Variants in TBL1X observed in about 807,000 individuals in gnomAD.
TBL1X encodes F-box-like/WD repeat-containing protein TBL1X.
In TBL1X, 10 loss-of-function variants were observed where a neutral mutation model predicts 50.7. That is an observed-to-expected ratio of 0.20 (90% CI 0.12 to 0.33). The LOEUF is 0.33. Among genes scored for constraint, TBL1X ranks in the 10% least tolerant of loss-of-function variants. The probability of loss-of-function intolerance (pLI) is 1.00; values close to 1 mark genes in which losing one functional copy is unlikely to be tolerated. For synonymous variants in TBL1X, 190 were observed against 214.7 expected (o/e 0.88, Z 1.01); for missense variants, 340 against 504.4 (o/e 0.67, Z 3.12).
chrX:9,556,671 A>G (rs1176513115), intron 2 of TBL1X, among the ~76,000 whole-genome samples: 4 of 110,929 alleles, frequency 3.6e-5, no homozygotes, highest in Non-Finnish European at 7.6e-5. Context: ...GAAAAAAAAA[A>G]AAGTAGTTCT....
chrX:9,570,805 G>C (rs777772070), intron 2 of TBL1X, among the ~76,000 whole-genome samples: 17 of 107,212 alleles, frequency 1.6e-4, no homozygotes, highest in South Asian at 8.4e-4. Flanking sequence ...AGCCTCCCAA[G>C]TAGCTGGGAC....
chrX:9,554,896 C>T (rs1221834715), intron 2 of TBL1X, among the ~76,000 whole-genome samples: 6 of 111,341 alleles, frequency 5.4e-5, no homozygotes, highest in Non-Finnish European at 1.1e-4. Flanking sequence ...TAACCATTAG[C>T]AGTCACGTCC....
At chrX:9,605,154 A>G (rs750973661) in intron 2 of TBL1X, among the ~76,000 whole-genome samples, 2 of 110,555 alleles carry the variant, frequency 1.8e-5, no homozygotes, top group African/African-American at 3.3e-5. Context: ...ACACAGGGCC[A>G]CACAGGATCA....
At chrX:9,693,045 A>G (rs1195203378) in intron 9 of TBL1X, 104 bp from the exon 10 acceptor site, 7 of 806,737 alleles carry the variant, frequency 8.7e-6, no homozygotes, top group African/African-American at 2.1e-5. Flanking sequence ...CGCAGTGGCA[A>G]ATGGTTCCAG....
chrX:9,683,736 A>G (rs1284243878), intron 5 of TBL1X, among the ~76,000 whole-genome samples: 1 of 111,393 alleles, frequency 9.0e-6, no homozygotes, highest in Admixed American at 9.5e-5. Context: ...CAACCGGGGC[A>G]TGCAGGGCAA....
chrX:9,708,762 G>A (rs893768802), intron 13 of TBL1X, among the ~76,000 whole-genome samples: 4 of 109,656 alleles, frequency 3.6e-5, no homozygotes, highest in Non-Finnish European at 3.8e-5. Flanking sequence ...CAGCTACTTG[G>A]GAGGGTGAGG....
At chrX:9,630,864 C>A (rs1158936900) in intron 2 of TBL1X, among the ~76,000 whole-genome samples, 1 of 112,565 alleles carries the variant, frequency 8.9e-6, no homozygotes, top group African/African-American at 3.2e-5. Flanking sequence ...GCGTGAGCCA[C>A]CACACCTGGC....
At chrX:9,598,144 A>G (rs979495209) in intron 2 of TBL1X, among the ~76,000 whole-genome samples, 1 of 111,479 alleles carries the variant, frequency 9.0e-6, no homozygotes, top group Non-Finnish European at 1.9e-5. Flanking sequence ...ATTCTCCCTC[A>G]CAGCCCTCAG....
At chrX:9,519,341 G>T (rs1569213472) in intron 2 of TBL1X, among the ~76,000 whole-genome samples, 1 of 111,132 alleles carries the variant, frequency 9.0e-6, no homozygotes, top group South Asian at 3.8e-4. Context: ...CGATCTCCTG[G>T]GCTCAGTGAT....
rs2082549077 is a variant in TBL1X, at chrX:9,600,384, C to A, written c.-130-39889C>A. Among the ~76,000 whole-genome samples, 4 of 98,465 alleles carry A rather than the reference C, an allele frequency of 4.1e-5. No homozygotes were observed. The South Asian group carries it at 2.1e-3, about 53-fold the overall frequency. 85.5% of individuals were successfully genotyped at this position (98,465 alleles called of 115,157 possible). A position where few individuals can be genotyped will look rare whatever the true frequency, so the allele number is the denominator to read the frequency against. ...ACTAATCCCATTCATGAGGCCCCAC[C>A]CTCATGACCGCATTACCTCCCAGAG... is the stretch of plus-strand genomic sequence containing the variant. On this transcript the variant is annotated intron_variant, in intron 2 of 17. Transcript: ENST00000645353.
At chrX:9,693,037 C>A (rs914554415) in intron 9 of TBL1X, 112 bp from the exon 10 acceptor site, 17 of 711,538 alleles carry the variant, frequency 2.4e-5, no homozygotes, top group Middle Eastern at 3.2e-4. Context: ...AAAGAACACG[C>A]AGTGGCAAAT....
At chrX:9,644,349 T>C (rs776460425) in intron 3 of TBL1X, among the ~76,000 whole-genome samples, 1 of 112,268 alleles carries the variant, frequency 8.9e-6, no homozygotes, top group Non-Finnish European at 1.9e-5. Context: ...CAGTCTGCTC[T>C]GAAATCTTGG....
rs369976631 is a variant in TBL1X, at chrX:9,691,725, G to GA, written c.749+14_749+15insA. 1.2e-3 allele frequency: 1,378 copies of GA among 1,135,563 alleles called. 6 individuals are homozygous for GA. Among genetic ancestry groups the GA allele is most frequent in the South Asian group, 8.3e-3 (417 of 50,477 alleles). 93.6% of individuals were successfully genotyped at this position (1,135,563 alleles called of 1,213,427 possible). A position where few individuals can be genotyped will look rare whatever the true frequency, so the allele number is the denominator to read the frequency against. ...GCTAGCCTCCGGGTAAGGATGTCAG[G>GA]GTGGGGGGCGCTCCAGAGTTGGGGA... On this transcript the variant is annotated intron_variant, in intron 8 of 17. Coordinates refer to ENST00000645353, the MANE Select transcript of TBL1X (RefSeq NM_005647.4).
chrX:9,515,026 A>G (rs769976945), intron 2 of TBL1X, among the ~76,000 whole-genome samples: 2 of 110,862 alleles, frequency 1.8e-5, no homozygotes, highest in Admixed American at 9.6e-5. Context: ...TGATGTGTGT[A>G]CCGCTCATGT....
chrX:9,524,918 A>T (rs962421353), intron 2 of TBL1X, among the ~76,000 whole-genome samples: 5 of 110,924 alleles, frequency 4.5e-5, no homozygotes, highest in African/African-American at 1.6e-4. Flanking sequence ...TGCCCAGCTA[A>T]TTTTTGTATT....
At chrX:9,480,763 C>A (rs2081877566) in intron 1 of TBL1X, among the ~76,000 whole-genome samples, 1 of 65,550 alleles carries the variant, frequency 1.5e-5, no homozygotes, top group African/African-American at 5.7e-5. Context: ...AGCCACCCCC[C>A]CCCCCGCCCT....
At chrX:9,539,275 G>A (rs766547582) in intron 2 of TBL1X, among the ~76,000 whole-genome samples, 16 of 111,568 alleles carry the variant, frequency 1.4e-4, no homozygotes, top group African/African-American at 5.2e-4. Flanking sequence ...TCAGATTAGG[G>A]TGCATTGTGT....
rs1781605802 is a variant in TBL1X, at chrX:9,637,810, G to A, written c.-130-2463G>A. ...ATCCTGCCTTCCTAAGGGTCAGACAGGCTCTCAAGCAACCCCCATGACCAC... is the reference window on the plus strand; with the variant it reads ...ATCCTGCCTTCCTAAGGGTCAGACAAGCTCTCAAGCAACCCCCATGACCAC... On this transcript the variant is annotated intron_variant, in intron 2 of 17. Coordinates refer to ENST00000645353, the MANE Select transcript of TBL1X (RefSeq NM_005647.4). 2 of 111,405 alleles carry A rather than the reference G, an allele frequency of 1.8e-5. 1 individual carries two copies. Among genetic ancestry groups the A allele is most frequent in the South Asian group, 7.7e-4 (2 of 2,593 alleles). The allele number at this position is 111,405 out of a possible 1,213,427, so 9.2% of individuals were successfully genotyped here.
intron 5 of TBL1X, among the ~76,000 whole-genome samples, chrX:9,681,675 A>G (rs2083026635): frequency 8.9e-6 from 1 of 112,662 alleles, no homozygotes; most frequent in South Asian, 3.6e-4. Flanking sequence ...TCCATCAGCC[A>G]TGAGGTTTGC....
Sources: gnomAD v4.1 joint callset for allele counts (sites outside exome capture counted in the v4.1 genomes callset) on GRCh38, gnomAD v4.1.1 for gene constraint, MANE v1.5 for transcripts, NCBI Gene and HGNC (gene_info 2026-07-23, HGNC 2026-07-21) for gene names.